DLEU7: variants seen among roughly 807,000 people sequenced by gnomAD.
DLEU7 encodes leukemia-associated protein 7.
In DLEU7, 17 loss-of-function variants were observed where a neutral mutation model predicts 16.0. The observed-to-expected ratio is 1.06, with a 90% CI of 0.73 to 1.59. DLEU7 has a LOEUF of 1.59. DLEU7 is among the 40% of genes most tolerant of loss of function. DLEU7 has a pLI of 0.00. For synonymous variants in DLEU7, 113 were observed against 139.8 expected (o/e 0.81, Z 1.35); for missense variants, 308 against 314.9 (o/e 0.98, Z 0.17).
rs181406665 is a variant in DLEU7 at position 50,714,181 on chromosome 13, C to A, written c.460-941G>T. Among the ~76,000 whole-genome samples, 175 of 152,356 alleles carry A rather than the reference C, an allele frequency of 1.1e-3. 2 individuals are homozygous for A. The Middle Eastern group carries it at 0.014, about 12-fold the overall frequency. On this transcript the variant is annotated intron_variant, in intron 1 of 1. Coordinates refer to the DLEU7 transcript ENST00000400393. ...CTGCTTACTGGTGAGCCACTGAACA[C>A]AAACTCCCTTCTCACCTCTGCCTTG...
chr13:50,831,505 C>T lies in DLEU7; in HGVS notation c.460-7985G>A, dbSNP rs147055784. Among the ~76,000 whole-genome samples the T allele has an allele frequency of 1.4e-4, 21 of 152,244 alleles. No homozygotes were observed. In the East Asian group the frequency reaches 4.1e-3, roughly 29 times the overall value. Reference sequence around the variant, plus strand: ...GGGGCTGGGTCAGGGAGAAGGAGAACATTAGTCTGAAAAGAATAGAATTTT... The same window carrying T: ...GGGGCTGGGTCAGGGAGAAGGAGAATATTAGTCTGAAAAGAATAGAATTTT... On this transcript the variant is annotated intron_variant, in intron 1 of 1. Transcript: ENST00000504404.
At chr13:50,715,729 A>C (rs1829100600) in intron 1 of DLEU7, among the ~76,000 whole-genome samples, 1 of 152,232 alleles carries the variant, frequency 6.6e-6, no homozygotes, top group African/African-American at 2.4e-5. Flanking sequence ...GGTGTTTCGG[A>C]AAAACTCCGA....
intron 1 of DLEU7, among the ~76,000 whole-genome samples, chr13:50,767,612 G>A (rs1194286568): frequency 1.3e-5 from 2 of 152,180 alleles, no homozygotes; most frequent in Non-Finnish European, 2.9e-5. Flanking sequence ...TGGAGCTCTA[G>A]CACCTGGGAC....
intron 1 of DLEU7, among the ~76,000 whole-genome samples, chr13:50,748,780 A>T (rs577111442): frequency 2.1e-4 from 32 of 152,224 alleles, no homozygotes; most frequent in African/African-American, 7.7e-4. Context: ...AGAAGAGAGA[A>T]TTGGAGAAAA....
intron 1 of DLEU7, among the ~76,000 whole-genome samples, chr13:50,728,440 G>A (rs1230159455): frequency 1.3e-5 from 2 of 152,130 alleles, no homozygotes; most frequent in Non-Finnish European, 2.9e-5. Context: ...AGTTTAATAG[G>A]TTTTTACTGC....
intron 1 of DLEU7, among the ~76,000 whole-genome samples, chr13:50,830,769 A>G (rs1162395788): frequency 6.6e-6 from 1 of 152,140 alleles, no homozygotes; most frequent in African/African-American, 2.4e-5. Context: ...GTTACCCCAC[A>G]TGGCACAGGG....
intron 1 of DLEU7, among the ~76,000 whole-genome samples, chr13:50,756,841 G>T (rs1404612034): frequency 6.6e-6 from 1 of 152,120 alleles, no homozygotes; most frequent in East Asian, 1.9e-4. Context: ...TCCCTGTCAT[G>T]CCAGGCAGGA....
At chr13:50,786,472 C>T (rs1192017508) in intron 1 of DLEU7, among the ~76,000 whole-genome samples, 2 of 152,190 alleles carry the variant, frequency 1.3e-5, no homozygotes, top group African/African-American at 4.8e-5. Context: ...CACATAGTAG[C>T]AGCTCAGTGC....
chr13:50,806,553 CATATT>C (rs891805869), intron 1 of DLEU7, among the ~76,000 whole-genome samples: 89 of 152,130 alleles, frequency 5.9e-4, no homozygotes, highest in African/African-American at 2.0e-3. Context: ...AATTCTGACT[CATATT>C]AGACAGCTCG....
chr13:50,771,109 T>G (rs1236597040), intron 1 of DLEU7, among the ~76,000 whole-genome samples: 1 of 152,212 alleles, frequency 6.6e-6, no homozygotes, highest in Non-Finnish European at 1.5e-5. Flanking sequence ...GAATCGGTGG[T>G]GATAACCCCC....
intron 1 of DLEU7, among the ~76,000 whole-genome samples, chr13:50,714,280 G>A (rs1301015341): frequency 6.6e-6 from 1 of 152,126 alleles, no homozygotes; most frequent in Non-Finnish European, 1.5e-5. Context: ...GGGCAACGTG[G>A]CTATTTTCTG....
At chr13:50,746,629 G>A (rs767317201) in intron 1 of DLEU7, among the ~76,000 whole-genome samples, 1 of 151,978 alleles carries the variant, frequency 6.6e-6, no homozygotes, top group African/African-American at 2.4e-5. Flanking sequence ...GCTTTCATTG[G>A]TGCAATTGTA....
chr13:50,744,547 G>A (rs770728571), intron 1 of DLEU7, among the ~76,000 whole-genome samples: 2 of 152,132 alleles, frequency 1.3e-5, no homozygotes, highest in Non-Finnish European at 2.9e-5. Flanking sequence ...GTGGGTGAAC[G>A]CTTTAGACAA....
intron 1 of DLEU7, chr13:50,813,080 C>G (rs1283449794): frequency 6.6e-6 from 1 of 152,108 alleles, no homozygotes; most frequent in African/African-American, 2.4e-5. Context: ...TGGAACCAGA[C>G]ACGTTCAAGG....
chr13:50,721,947 A>G (rs537243964), intron 1 of DLEU7, among the ~76,000 whole-genome samples: 18 of 152,108 alleles, frequency 1.2e-4, no homozygotes, highest in Admixed American at 5.2e-4. Context: ...TTTTTCATTC[A>G]TTCTTCAAAT....
At chr13:50,806,116 A>G (rs976969529) in intron 1 of DLEU7, among the ~76,000 whole-genome samples, 50 of 152,270 alleles carry the variant, frequency 3.3e-4, no homozygotes, top group African/African-American at 1.1e-3. Flanking sequence ...CCTATGTCCT[A>G]TGCCACTAAG....
At chr13:50,784,743 G>C (rs1173676322) in intron 1 of DLEU7, among the ~76,000 whole-genome samples, 1 of 152,176 alleles carries the variant, frequency 6.6e-6, no homozygotes, top group Non-Finnish European at 1.5e-5. Context: ...TTCTTTCTCT[G>C]ATCTGTAGTG....
intron 1 of DLEU7, among the ~76,000 whole-genome samples, chr13:50,802,025 G>T (rs1432809386): frequency 6.6e-6 from 1 of 150,996 alleles, no homozygotes; most frequent in Non-Finnish European, 1.5e-5. Context: ...CTAAAGGTGG[G>T]CTGTGATTCT....
downstream of DLEU7, among the ~76,000 whole-genome samples, chr13:50,819,721 G>A (rs1353433243): frequency 6.6e-6 from 1 of 152,160 alleles, no homozygotes; most frequent in East Asian, 1.9e-4. Context: ...ACTGAAATTT[G>A]AAAGATGGCA....
Sources: gnomAD v4.1 joint callset for allele counts (sites outside exome capture counted in the v4.1 genomes callset) on GRCh38, gnomAD v4.1.1 for gene constraint, MANE v1.5 for transcripts, NCBI Gene and HGNC (gene_info 2026-07-23, HGNC 2026-07-21) for gene names.